The following NDUFS5 variants were observed in gnomAD, a reference collection of about 807,000 sequenced individuals.
The protein encoded by NDUFS5 is NADH dehydrogenase [ubiquinone] iron-sulfur protein 5.
A neutral mutation model predicts 10.5 loss-of-function variants in NDUFS5; 7 were observed. The observed-to-expected ratio is 0.66, with a 90% CI of 0.38 to 1.25. The LOEUF is 1.25. Among genes scored for constraint, NDUFS5 ranks in the 50% most tolerant of loss-of-function variants. The pLI, the probability that NDUFS5 is intolerant of heterozygous loss-of-function variation, is 0.02. For synonymous variants in NDUFS5, 38 were observed against 44.0 expected (o/e 0.86, Z 0.54); for missense variants, 148 against 140.7 (o/e 1.05, Z -0.26).
At chr1:39,033,904 A>G (rs1172519136) in intron 2 of NDUFS5, among the ~76,000 whole-genome samples, 7 of 143,356 alleles carry the variant, frequency 4.9e-5, no homozygotes, top group South Asian at 4.4e-4. Context: ...AAGTTCAAGC[A>G]ATTCTCCTGC....
chr1:39,028,762 A>C lies in NDUFS5; in HGVS notation c.38A>C (p.Asn13Thr), dbSNP rs552760057. ...GACATCCAGAAAAGGTTCGGCCTTA[A>C]CATAGATCGATGGTTGACAATCCAG... ...FLDIQKRFGLNIDRWLTIQSG... is the reference protein window; with the variant it reads ...FLDIQKRFGLTIDRWLTIQSG... Residue 13 changes from asparagine to threonine, a missense_variant, in exon 2 of 3, where the codon AAC becomes ACC. Coordinates refer to ENST00000372969, the MANE Select transcript of NDUFS5 (RefSeq NM_004552.3). 1 of 1,614,182 alleles carries C rather than the reference A, an allele frequency of 6.2e-7. No individual in the cohort carries two copies. The highest frequency in any genetic ancestry group is 1.7e-5 in the Admixed American group (1 of 60,006).
In NDUFS5 at chr1:39,028,795, A is replaced by C. The variant is rs773573777; in HGVS notation, c.71A>C (p.Glu24Ala). ...CGATGGTTGACAATCCAGAGTGGTG[A>C]ACAGCCCTACAAGATGGCTGGTCGA... ...IDRWLTIQSG[E>A]QPYKMAGRCH... The change falls in exon 2 of 3, where the codon GAA becomes GCA. Residue 24 changes from glutamate to alanine, a missense_variant. Transcript: ENST00000372969. The C allele has an allele frequency of 6.2e-7, 1 of 1,614,124 alleles. No individual in the cohort carries two copies. The highest frequency in any genetic ancestry group is 1.7e-5 in the Admixed American group (1 of 59,994).
intron 2 of NDUFS5, among the ~76,000 whole-genome samples, chr1:39,030,927 C>T (rs938590819): frequency 1.5e-4 from 23 of 151,876 alleles, no homozygotes; most frequent in African/African-American, 3.9e-4. Context: ...GGCTGGAGTG[C>T]GGTAGCGTGT....
chr1:39,029,864 G>A (rs1438554053), intron 2 of NDUFS5, among the ~76,000 whole-genome samples: 4 of 152,128 alleles, frequency 2.6e-5, no homozygotes, highest in Non-Finnish European at 2.9e-5. Flanking sequence ...AGGCTGAGGC[G>A]GGTGTATCAC....
chr1:39,028,182 A>C (rs1476617695), intron 1 of NDUFS5, among the ~76,000 whole-genome samples: 9 of 147,272 alleles, frequency 6.1e-5, no homozygotes, highest in African/African-American at 2.2e-4. Flanking sequence ...CTGTAATCCC[A>C]GCACTTTGGG....
intron 1 of NDUFS5, among the ~76,000 whole-genome samples, chr1:39,027,581 G>GATTTTTTTTTTTTTT (rs1644158602): frequency 1.1e-5 from 1 of 91,134 alleles, no homozygotes; most frequent in Non-Finnish European, 2.2e-5. Flanking sequence ...TTTCGCTCTG[G>GATTTTTTTTTTTTTT]TTTTTTTTTT....
In NDUFS5 at chr1:39,034,479, G is replaced by C. The variant is rs762222548; in HGVS notation, c.304G>C (p.Gly102Arg). 1 of 1,613,536 alleles carries C rather than the reference G, an allele frequency of 6.2e-7. No individual in the cohort carries two copies. The highest frequency in any genetic ancestry group is 2.2e-5 in the East Asian group (1 of 44,854). Residue 102 changes from glycine to arginine, a missense_variant, in exon 3 of 3, where the codon GGG (glycine) becomes CGG (arginine). Physicochemically the swap from Gly to Arg is moderately radical, Grantham distance 125 (BLOSUM62 -2). Transcript: ENST00000372969. Reference sequence around the variant, plus strand: ...CCCTCCACCTCACCACATTGGCAAGGGGGAGCCTCGGCCCTGAACAGAGCA... The same window carrying C: ...CCCTCCACCTCACCACATTGGCAAGCGGGAGCCTCGGCCCTGAACAGAGCA... ...YTPPPHHIGK[G>R]EPRP
intron 2 of NDUFS5, among the ~76,000 whole-genome samples, chr1:39,032,222 T>C (rs10788906): frequency 0.95 from 145,189 of 152,284 alleles, 69,317 homozygotes; most frequent in Non-Finnish European, 0.98. Flanking sequence ...AGGACATTGC[T>C]TGAACTTACA....
At position 39,028,908 on chromosome 1, in the gene NDUFS5, G is replaced by T; in HGVS notation, c.184G>T (p.Asp62Tyr). The T allele has an allele frequency of 1.2e-6, 2 of 1,613,758 alleles. No homozygotes were observed. Among genetic ancestry groups the T allele is most frequent in the Non-Finnish European group, 1.7e-6 (2 of 1,179,932 alleles). The change falls in exon 2 of 3, where the codon GAT (aspartate) becomes TAT (tyrosine). Residue 62 changes from aspartate to tyrosine, a missense_variant. Transcript: ENST00000372969. The part of the protein sequence containing the change: ...AEKECKIEYD[D>Y]FVECLLRQKT... ...GAAAGAGTGCAAGATAGAATATGAT[G>T]ATTTCGTAGAGTGTTTGCTTCGGCA...
At chr1:39,031,792 G>A (rs1289016056) in intron 2 of NDUFS5, among the ~76,000 whole-genome samples, 1 of 152,186 alleles carries the variant, frequency 6.6e-6, no homozygotes, top group Non-Finnish European at 1.5e-5. Flanking sequence ...AAGCTAGTGA[G>A]TCAGAATTAG....
intron 2 of NDUFS5, among the ~76,000 whole-genome samples, chr1:39,029,508 G>A (rs1444925813): frequency 1.3e-5 from 2 of 152,184 alleles, no homozygotes; most frequent in African/African-American, 4.8e-5. Context: ...TTAGCCACCA[G>A]GTTAGAAATT....
At chr1:39,031,089 C>T (rs750259730) in intron 2 of NDUFS5, among the ~76,000 whole-genome samples, 5 of 152,132 alleles carry the variant, frequency 3.3e-5, no homozygotes, top group Admixed American at 6.6e-5. Flanking sequence ...AGGCTGATCT[C>T]GAACTCCTGA....
At chr1:39,027,128 T>A (rs1161490257) in intron 1 of NDUFS5, among the ~76,000 whole-genome samples, 3 of 151,878 alleles carry the variant, frequency 2.0e-5, no homozygotes, top group Non-Finnish European at 2.9e-5. Flanking sequence ...GAGTGCAGAG[T>A]GGCGCGATCT....
chr1:39,032,601 CAA>C lies in NDUFS5; in HGVS notation c.217-1780_217-1779del, dbSNP rs11347725. ...ACTAGGAATACAGTAAGCAAAACAG[CAA>C]AAAAAAAAAATCTCAGAGTCAGTGA... On this transcript the variant is annotated intron_variant, in intron 2 of 2. Coordinates refer to ENST00000372969, the MANE Select transcript of NDUFS5 (RefSeq NM_004552.3). Among the ~76,000 whole-genome samples, 1,126 of 149,172 alleles carry C rather than the reference CAA, an allele frequency of 7.5e-3. 13 individuals are homozygous for C. Among genetic ancestry groups the C allele is most frequent in the African/African-American group, 0.024 (991 of 40,616 alleles).
At chr1:39,030,314 AG>A (rs1644180827) in intron 2 of NDUFS5, among the ~76,000 whole-genome samples, 1 of 151,690 alleles carries the variant, frequency 6.6e-6, no homozygotes, top group Non-Finnish European at 1.5e-5. Flanking sequence ...GTGAGGCAAG[AG>A]AATCGCCTGA....
intron 2 of NDUFS5, 75 bp downstream of exon 2, chr1:39,029,015 G>A (rs3768323): frequency 0.79 from 1,056,118 of 1,333,204 alleles, 431,715 homozygotes; most frequent in Non-Finnish European, 0.86. Flanking sequence ...TTTTTGAGAC[G>A]AAGTCTCACT....
chr1:39,026,742 C>T (rs1001117403), intron 1 of NDUFS5, among the ~76,000 whole-genome samples: 6 of 152,242 alleles, frequency 3.9e-5, no homozygotes, highest in Non-Finnish European at 7.3e-5. Context: ...TTCTTTTCAC[C>T]GTCATGCACG....
intron 2 of NDUFS5, among the ~76,000 whole-genome samples, chr1:39,030,881 T>C (rs1644186250): frequency 6.6e-6 from 1 of 152,090 alleles, no homozygotes; most frequent in African/African-American, 2.4e-5. Flanking sequence ...TAATTTTAAT[T>C]TATGTTTTGA....
rs186440090 is a variant in NDUFS5 at position 39,032,451 on chromosome 1, C to A, written c.217-1941C>A. ...AATGTTTATTTCAGGGTTTTTTCTACTGAAGTTATATCAACACTACTTCTT... is the reference window on the plus strand; with the variant it reads ...AATGTTTATTTCAGGGTTTTTTCTAATGAAGTTATATCAACACTACTTCTT... On this transcript the variant is annotated intron_variant, in intron 2 of 2. Coordinates refer to ENST00000372969, the MANE Select transcript of NDUFS5 (RefSeq NM_004552.3). 1.2e-3 allele frequency among the ~76,000 whole-genome samples: 183 copies of A among 152,210 alleles called. 1 individual carries two copies. The highest frequency in any genetic ancestry group is 4.1e-3 in the African/African-American group (169 of 41,546).
Sources: gnomAD v4.1 joint callset for allele counts (sites outside exome capture counted in the v4.1 genomes callset) on GRCh38, gnomAD v4.1.1 for gene constraint, MANE v1.5 for transcripts, NCBI Gene and HGNC (gene_info 2026-07-23, HGNC 2026-07-21) for gene names.